Variants in DLG2 observed in about 807,000 individuals in gnomAD.
The protein encoded by DLG2 is discs large MAGUK scaffold protein 2.
A neutral mutation model predicts 132.5 loss-of-function variants in DLG2; 45 were observed. The observed-to-expected ratio is 0.34, with a 90% CI of 0.27 to 0.44. The LOEUF (loss-of-function observed/expected upper bound fraction) is 0.44. Ranked by LOEUF, DLG2 falls within the 20% of genes least tolerant of loss-of-function variation. The pLI, the probability that DLG2 is intolerant of heterozygous loss-of-function variation, is 1.00. For synonymous variants in DLG2, 424 were observed against 419.6 expected (o/e 1.01, Z -0.13); for missense variants, 1,045 against 1,196.9 (o/e 0.87, Z 1.87).
intron 6 of DLG2, among the ~76,000 whole-genome samples, chr11:85,061,825 C>A (rs1280153678): frequency 6.6e-6 from 1 of 151,598 alleles, no homozygotes; most frequent in Admixed American, 6.6e-5. Context: ...AAGGATTGAC[C>A]CCATTAACTT....
intron 16 of DLG2, among the ~76,000 whole-genome samples, chr11:83,862,915 T>C (rs999612509): frequency 2.0e-5 from 3 of 152,130 alleles, no homozygotes; most frequent in Admixed American, 6.6e-5. Context: ...GACTGCCCAG[T>C]AATTACATGA....
intron 8 of DLG2, among the ~76,000 whole-genome samples, chr11:84,236,323 T>C (rs537159761): frequency 2.2e-4 from 34 of 152,338 alleles, no homozygotes; most frequent in African/African-American, 6.5e-4. Context: ...ATCAGTGAGG[T>C]TGGTTGTCAG....
intron 6 of DLG2, among the ~76,000 whole-genome samples, chr11:84,769,435 T>C (rs1005434045): frequency 1.3e-5 from 2 of 152,046 alleles, no homozygotes; most frequent in Non-Finnish European, 2.9e-5. Flanking sequence ...CAGAATAAAA[T>C]ATACATATTT....
At chr11:84,859,338 T>C (rs1368218182) in intron 6 of DLG2, among the ~76,000 whole-genome samples, 1 of 146,754 alleles carries the variant, frequency 6.8e-6, no homozygotes, top group African/African-American at 2.5e-5. Flanking sequence ...TATATAGGTA[T>C]ATATGTAGAT....
At chr11:85,278,438 T>C (rs2078028296) in intron 4 of DLG2, among the ~76,000 whole-genome samples, 1 of 152,078 alleles carries the variant, frequency 6.6e-6, no homozygotes, top group South Asian at 2.1e-4. Flanking sequence ...CCGTCTGTAC[T>C]AAAAATACAA....
intron 19 of DLG2, among the ~76,000 whole-genome samples, chr11:83,543,218 C>T (rs1042247597): frequency 2.0e-5 from 3 of 152,142 alleles, no homozygotes; most frequent in African/African-American, 4.8e-5. Context: ...TTCACCTTGA[C>T]CACCCCTGCC....
chr11:84,130,799 G>A (rs1285752032), intron 9 of DLG2, among the ~76,000 whole-genome samples: 1 of 151,538 alleles, frequency 6.6e-6, no homozygotes, highest in Non-Finnish European at 1.5e-5. Flanking sequence ...AAACTTAGAA[G>A]CAAATGGCCC....
chr11:83,565,770 A>G (rs1001798785), intron 19 of DLG2, among the ~76,000 whole-genome samples: 1 of 152,214 alleles, frequency 6.6e-6, no homozygotes, highest in Non-Finnish European at 1.5e-5. Context: ...AGTTACTCCA[A>G]CTTGGACATT....
intron 18 of DLG2, among the ~76,000 whole-genome samples, chr11:83,659,565 A>G (rs2073696067): frequency 6.6e-6 from 1 of 152,166 alleles, no homozygotes; most frequent in Admixed American, 6.5e-5. Context: ...TTTTCTTACA[A>G]TCTTATTCAT....
intron 4 of DLG2, among the ~76,000 whole-genome samples, chr11:85,248,608 T>A (rs72947971): frequency 0.072 from 10,960 of 151,854 alleles, 673 homozygotes; most frequent in African/African-American, 0.17. Context: ...CCAGTAGGGA[T>A]GAGAAGAAAG....
chr11:84,723,717 A>T (rs187577569), intron 6 of DLG2, among the ~76,000 whole-genome samples: 2 of 152,128 alleles, frequency 1.3e-5, no homozygotes, highest in Non-Finnish European at 2.9e-5. Context: ...TTTTTAGGAG[A>T]TATTACTAGG....
chr11:85,347,276 A>G (rs1376383399), intron 3 of DLG2, among the ~76,000 whole-genome samples: 1 of 152,020 alleles, frequency 6.6e-6, no homozygotes, highest in African/African-American at 2.4e-5. Context: ...CCCCTGAAGC[A>G]CAGGGAGGGG....
intron 3 of DLG2, among the ~76,000 whole-genome samples, chr11:85,575,085 T>A (rs1441187196): frequency 6.6e-6 from 1 of 151,910 alleles, no homozygotes; most frequent in East Asian, 1.9e-4. Flanking sequence ...GCAGAGATGA[T>A]CATTTTAAAC....
intron 14 of DLG2, among the ~76,000 whole-genome samples, chr11:83,944,466 A>G (rs1459732634): frequency 6.6e-6 from 1 of 152,204 alleles, no homozygotes; most frequent in Non-Finnish European, 1.5e-5. Flanking sequence ...TTAATTGCCT[A>G]TTGTGAGGAT....
intron 6 of DLG2, among the ~76,000 whole-genome samples, chr11:84,596,190 G>GTCTCTCTCTCTCTCTCTCTCTCTC (rs59824224): frequency 7.6e-5 from 11 of 144,734 alleles, no homozygotes; most frequent in Admixed American, 1.4e-4. Context: ...TCTTTTCTCT[G>GTCTCTCTCTCTCTCTCTCTCTCTC]TCTCTCTCTC....
intron 3 of DLG2, among the ~76,000 whole-genome samples, chr11:85,387,533 C>A (rs1310272299): frequency 6.6e-6 from 1 of 152,148 alleles, no homozygotes; most frequent in Non-Finnish European, 1.5e-5. Context: ...TGGATCCTAG[C>A]CATGTCAGCT....
At chr11:83,995,075 C>T (rs771792868) in intron 11 of DLG2, among the ~76,000 whole-genome samples, 6 of 149,688 alleles carry the variant, frequency 4.0e-5, no homozygotes, top group Non-Finnish European at 7.4e-5. Flanking sequence ...GACCTTAGTT[C>T]CAAATAAGGT....
intron 6 of DLG2, among the ~76,000 whole-genome samples, chr11:84,935,381 G>A (rs1317657450): frequency 6.6e-6 from 1 of 152,058 alleles, no homozygotes; most frequent in African/African-American, 2.4e-5. Context: ...TTTAAATACA[G>A]TCCCAGATAT....
chr11:84,748,694 G>A (rs2065710735), intron 6 of DLG2, among the ~76,000 whole-genome samples: 1 of 152,198 alleles, frequency 6.6e-6, no homozygotes, highest in African/African-American at 2.4e-5. Flanking sequence ...TTGTGGTAGA[G>A]AAGTAAAGGT....
Sources: gnomAD v4.1 joint callset for allele counts (sites outside exome capture counted in the v4.1 genomes callset) on GRCh38, gnomAD v4.1.1 for gene constraint, MANE v1.5 for transcripts, NCBI Gene and HGNC (gene_info 2026-07-23, HGNC 2026-07-21) for gene names.